The following DLG2 variants were observed in gnomAD, a reference collection of about 807,000 sequenced individuals.
The protein encoded by DLG2 is disks large homolog 2.
Under a neutral mutation model 132.5 loss-of-function variants are expected in DLG2, and 45 were observed. The ratio of observed to expected loss-of-function variants is 0.34; its 90% CI spans 0.27 to 0.44. The LOEUF (loss-of-function observed/expected upper bound fraction) is 0.44, where lower values mean the gene tolerates loss of function less well. Among genes scored for constraint, DLG2 ranks in the 20% least tolerant of loss-of-function variants. The pLI, the probability that DLG2 is intolerant of heterozygous loss-of-function variation, is 1.00. For missense variants in DLG2, 1,045 were observed against 1,196.9 expected (o/e 0.87, Z 1.87); for synonymous variants, 424 against 419.6 (o/e 1.01, Z -0.13).
At chr11:83,500,917 TATTA>T (rs2094425093) in intron 21 of DLG2, among the ~76,000 whole-genome samples, 2 of 152,242 alleles carry the variant, frequency 1.3e-5, no homozygotes, top group Non-Finnish European at 2.9e-5. Flanking sequence ...TTGTGACTCC[TATTA>T]ATTATTTCAT....
chr11:84,466,789 A>G (rs1467813780), intron 7 of DLG2, among the ~76,000 whole-genome samples: 1 of 151,348 alleles, frequency 6.6e-6, no homozygotes, highest in Non-Finnish European at 1.5e-5. Context: ...CTCTATAGCC[A>G]TACCTCTGTA....
At chr11:85,229,392 C>G (rs939746517) in intron 4 of DLG2, among the ~76,000 whole-genome samples, 1 of 151,996 alleles carries the variant, frequency 6.6e-6, no homozygotes, top group Non-Finnish European at 1.5e-5. Context: ...TGAAAAAAAG[C>G]TTATCATCAC....
chr11:85,113,961 T>G (rs1050764856), intron 5 of DLG2, among the ~76,000 whole-genome samples: 2 of 151,954 alleles, frequency 1.3e-5, no homozygotes, highest in Non-Finnish European at 2.9e-5. Context: ...TGAGTTTCAG[T>G]GCTAGCAAAG....
At chr11:83,714,537 T>C (rs962487795) in intron 18 of DLG2, among the ~76,000 whole-genome samples, 9 of 152,192 alleles carry the variant, frequency 5.9e-5, no homozygotes, top group African/African-American at 1.9e-4. Flanking sequence ...TCAGGATATA[T>C]TGAAGTGAAT....
At chr11:84,768,432 A>G (rs1045371257) in intron 6 of DLG2, among the ~76,000 whole-genome samples, 1 of 152,226 alleles carries the variant, frequency 6.6e-6, no homozygotes, top group African/African-American at 2.4e-5. Flanking sequence ...GTGTCACTTC[A>G]GAAATTAAGA....
intron 2 of DLG2, among the ~76,000 whole-genome samples, chr11:85,601,931 G>A (rs909329454): frequency 1.2e-4 from 18 of 152,140 alleles, no homozygotes; most frequent in African/African-American, 3.1e-4. Flanking sequence ...ATCTAATTCC[G>A]TAGTTTTAAA....
rs115375101 is a variant in DLG2, at chr11:85,540,687, C to A, written c.40+57970G>T. 6.7e-3 allele frequency among the ~76,000 whole-genome samples: 1,018 copies of A among 152,356 alleles called. 15 individuals carry two copies. The highest frequency in any genetic ancestry group is 0.023 in the African/African-American group (955 of 41,582). On this transcript the variant is annotated intron_variant, in intron 3 of 27. Transcript: ENST00000376104. ...CGGATTAACACAAGCTGCCTACAGA[C>A]AGCAAAACAGCAAAGCTAAAAGAGC...
At chr11:84,850,858 C>T (rs534802793) in intron 6 of DLG2, among the ~76,000 whole-genome samples, 41 of 151,736 alleles carry the variant, frequency 2.7e-4, no homozygotes, top group African/African-American at 9.9e-4. Flanking sequence ...GACTTGTATA[C>T]CAAAATTACA....
At chr11:84,180,682 G>A (rs904869110) in intron 8 of DLG2, among the ~76,000 whole-genome samples, 4 of 152,068 alleles carry the variant, frequency 2.6e-5, no homozygotes, top group African/African-American at 9.7e-5. Flanking sequence ...GCTAGTGGGG[G>A]CAGGTGGGAG....
intron 16 of DLG2, among the ~76,000 whole-genome samples, chr11:83,855,935 G>T (rs2060474134): frequency 6.6e-6 from 1 of 152,116 alleles, no homozygotes; most frequent in African/African-American, 2.4e-5. Flanking sequence ...TCATTGCCCA[G>T]GTGTTAAGCC....
intron 16 of DLG2, among the ~76,000 whole-genome samples, chr11:83,870,957 G>A (rs984232129): frequency 1.1e-4 from 16 of 152,114 alleles, no homozygotes; most frequent in Non-Finnish European, 2.2e-4. Flanking sequence ...GGTACCCCCT[G>A]GAGTTGTACA....
intron 21 of DLG2, among the ~76,000 whole-genome samples, chr11:83,511,707 G>A (rs2095038931): frequency 6.6e-6 from 1 of 151,284 alleles, no homozygotes; most frequent in African/African-American, 2.4e-5. Flanking sequence ...CTGGGAAGAG[G>A]GAATGTAAAA....
chr11:84,991,085 C>G (rs1245802060), intron 6 of DLG2, among the ~76,000 whole-genome samples: 1 of 152,020 alleles, frequency 6.6e-6, no homozygotes, highest in East Asian at 1.9e-4. Context: ...GATAAATACA[C>G]AGAATGAAAA....
At chr11:85,277,246 A>G (rs1233741929) in intron 4 of DLG2, among the ~76,000 whole-genome samples, 3 of 152,188 alleles carry the variant, frequency 2.0e-5, no homozygotes, top group Non-Finnish European at 4.4e-5. Flanking sequence ...GACTATGAAG[A>G]CCAGTTAAAG....
At chr11:84,406,937 G>C (rs2098854503) in intron 7 of DLG2, among the ~76,000 whole-genome samples, 2 of 152,178 alleles carry the variant, frequency 1.3e-5, no homozygotes, top group African/African-American at 4.8e-5. Context: ...AGTTTTCAAA[G>C]ATGGGCAGCT....
At chr11:83,885,147 C>T (rs1172196945) in intron 15 of DLG2, among the ~76,000 whole-genome samples, 3 of 152,174 alleles carry the variant, frequency 2.0e-5, no homozygotes, top group Non-Finnish European at 4.4e-5. Context: ...TCAAACTACT[C>T]CAAGCTACAG....
intron 20 of DLG2, among the ~76,000 whole-genome samples, chr11:83,537,837 AG>A (rs1565695778): frequency 1.7e-3 from 150 of 87,864 alleles, no homozygotes; most frequent in Middle Eastern, 5.5e-3. Flanking sequence ...AAAAAAAAAG[AG>A]AGAGAGAGAT....
intron 17 of DLG2, among the ~76,000 whole-genome samples, chr11:83,795,206 C>T (rs780616365): frequency 8.6e-5 from 13 of 151,986 alleles, no homozygotes; most frequent in Non-Finnish European, 1.3e-4. Flanking sequence ...GAGATTGAGA[C>T]CATCCTGGCT....
intron 12 of DLG2, among the ~76,000 whole-genome samples, chr11:83,967,677 T>C (rs913212838): frequency 2.0e-5 from 3 of 152,184 alleles, no homozygotes; most frequent in African/African-American, 7.2e-5. Context: ...TCCCAATTTG[T>C]TTCATTTTGT....
Sources: gnomAD v4.1 joint callset for allele counts (sites outside exome capture counted in the v4.1 genomes callset) on GRCh38, gnomAD v4.1.1 for gene constraint, MANE v1.5 for transcripts, NCBI Gene and HGNC (gene_info 2026-07-23, HGNC 2026-07-21) for gene names.